The following MECOM variants were observed in gnomAD, a reference collection of about 807,000 sequenced individuals.
The protein encoded by MECOM is histone-lysine N-methyltransferase MECOM.
Under a neutral mutation model 116.3 loss-of-function variants are expected in MECOM, and 13 were observed. The ratio of observed to expected loss-of-function variants is 0.11; its 90% CI spans 0.07 to 0.18. The LOEUF (loss-of-function observed/expected upper bound fraction) is 0.18, where lower values mean the gene tolerates loss of function less well. Ranked by LOEUF, MECOM falls within the 10% of genes least tolerant of loss-of-function variation. The pLI is 1.00. For synonymous variants in MECOM, 528 were observed against 535.2 expected, an observed-to-expected ratio of 0.99 and a Z score of 0.19; for missense variants, 1,299 against 1,509.0, an observed-to-expected ratio of 0.86 and a Z score of 2.31.
chr3:169,306,153 C>T (rs905247803), intron 2 of MECOM, among the ~76,000 whole-genome samples: 13 of 151,872 alleles, frequency 8.6e-5, no homozygotes, highest in Admixed American at 5.2e-4. Context: ...AAAGCATTAT[C>T]GAGGTAATAA....
At position 169,095,034 on chromosome 3, in the gene MECOM, A is replaced by G. The variant is rs772293161; in HGVS notation, c.3019+42T>C. ...TATCTTATTATCTTTTAAAACACGA[A>G]AAAGAAGTCATCTTTGACTTATAAC... On this transcript the variant is annotated intron_variant, in intron 13 of 16. Coordinates refer to ENST00000651503, the MANE Select transcript of MECOM (RefSeq NM_004991.4). The G allele has an allele frequency of 4.8e-6, 7 of 1,458,422 alleles. No individual in the cohort carries two copies. The East Asian group carries it at 1.7e-4, about 35-fold the overall frequency. 90.3% of individuals were successfully genotyped at this position (1,458,422 alleles called of 1,614,324 possible). A position where few individuals can be genotyped will look rare whatever the true frequency, so the allele number is the denominator to read the frequency against.
intron 1 of MECOM, among the ~76,000 whole-genome samples, chr3:169,612,508 T>C (rs906584043): frequency 2.6e-5 from 4 of 152,150 alleles, no homozygotes; most frequent in African/African-American, 9.7e-5. Context: ...TTAAGGGTAG[T>C]TCAAGGGTAG....
chr3:169,286,441 T>C (rs1309889301), intron 2 of MECOM, among the ~76,000 whole-genome samples: 2 of 152,194 alleles, frequency 1.3e-5, no homozygotes, highest in South Asian at 2.1e-4. Context: ...ATAGAATACC[T>C]TCCCTTCTTG....
chr3:169,323,313 T>C (rs1478405608), intron 2 of MECOM, among the ~76,000 whole-genome samples: 2 of 152,166 alleles, frequency 1.3e-5, no homozygotes, highest in Non-Finnish European at 2.9e-5. Context: ...TGGGTGTGTG[T>C]TTCCCTTCTA....
chr3:169,663,638 A>C lies in MECOM; in HGVS notation c.-266T>G, dbSNP rs1244926357. The C allele has an allele frequency of 2.0e-5, 11 of 539,232 alleles. No homozygotes were observed. The highest frequency in any genetic ancestry group is 1.2e-4 in the East Asian group (4 of 33,210). 33.4% of individuals were successfully genotyped at this position (539,232 alleles called of 1,614,324 possible). On this transcript the variant is annotated 5_prime_UTR_variant, in exon 1 of 17. Transcript: ENST00000651503. ...CCTCTCTCCCTTTCTCTCAATCCAC[A>C]CTCGCTATCTCTCCAGCATTGTCAG... is the stretch of plus-strand genomic sequence containing the variant.
In MECOM at chr3:169,276,322, C is replaced by T. The variant is rs185087313; in HGVS notation, c.375+104865G>A. 1.2e-3 allele frequency among the ~76,000 whole-genome samples: 183 copies of T among 152,180 alleles called. 1 individual carries two copies. The highest frequency in any genetic ancestry group is 4.2e-3 in the African/African-American group (175 of 41,502). On this transcript the variant is annotated intron_variant, in intron 2 of 16. Coordinates refer to ENST00000651503, the MANE Select transcript of MECOM (RefSeq NM_004991.4). ...ATCCCAGCACTTTGGGAGGCCAAGG[C>T]AGGAGGATCACCTGAGATCAGGAAT... is the stretch of plus-strand genomic sequence containing the variant.
In MECOM at chr3:169,297,916, TAGG is replaced by T. The variant is rs745536718; in HGVS notation, c.375+83268_375+83270del. On this transcript the variant is annotated intron_variant, in intron 2 of 16. Transcript: ENST00000651503. Reference sequence around the variant, plus strand: ...TTTGATACCATAAACAGAAACAGAGTAGGAGAAGTGCCTAACATGACAAAAGGA... The same window carrying T: ...TTTGATACCATAAACAGAAACAGAGTAGAAGTGCCTAACATGACAAAAGGA... Among the ~76,000 whole-genome samples, 6 of 152,094 alleles carry T rather than the reference TAGG, an allele frequency of 3.9e-5. No homozygotes were observed. The East Asian group carries it at 9.6e-4, about 24-fold the overall frequency.
chr3:169,461,880 A>T (rs139743640), intron 1 of MECOM, among the ~76,000 whole-genome samples: 1 of 152,140 alleles, frequency 6.6e-6, no homozygotes, highest in East Asian at 1.9e-4. Flanking sequence ...CCCTGGTGAG[A>T]TGGTTTCATG....
At position 169,436,311 on chromosome 3, in the gene MECOM, C is replaced by T. The variant is rs142578394; in HGVS notation, c.38-54787G>A. Among the ~76,000 whole-genome samples, 188 of 140,686 alleles carry T rather than the reference C, an allele frequency of 1.3e-3. 2 individuals are homozygous for T. The highest frequency in any genetic ancestry group is 4.9e-3 in the African/African-American group (186 of 37,592). The allele number at this position is 140,686 out of a possible 152,430, so 92.3% of individuals were successfully genotyped here. On this transcript the variant is annotated intron_variant, in intron 1 of 16. Transcript: ENST00000651503. ...TGTTGCCCAGGCTGGAATACAATGG[C>T]GCAATCTCCGCTCACCACAACCTCC...
chr3:169,262,063 A>G (rs1038460277), intron 2 of MECOM, among the ~76,000 whole-genome samples: 1 of 152,196 alleles, frequency 6.6e-6, no homozygotes, highest in Non-Finnish European at 1.5e-5. Context: ...GCCCCAATCT[A>G]GGAGCTTGGA....
At chr3:169,236,777 TATTA>T (rs1204048204) in intron 2 of MECOM, among the ~76,000 whole-genome samples, 3 of 152,232 alleles carry the variant, frequency 2.0e-5, no homozygotes, top group Admixed American at 1.3e-4. Flanking sequence ...GGCACGTTAT[TATTA>T]ATTGTGAATT....
chr3:169,654,412 T>A (rs1035732442), intron 1 of MECOM, among the ~76,000 whole-genome samples: 7 of 152,212 alleles, frequency 4.6e-5, no homozygotes, highest in African/African-American at 1.4e-4. Context: ...TTCTCCATCC[T>A]AGGTTCAGGT....
intron 1 of MECOM, among the ~76,000 whole-genome samples, chr3:169,569,275 A>G (rs1763604590): frequency 6.6e-6 from 1 of 152,206 alleles, no homozygotes; most frequent in African/African-American, 2.4e-5. Context: ...AAAGAGATCA[A>G]TGCAACAAGA....
At chr3:169,367,870 A>G (rs1205447709) in intron 2 of MECOM, among the ~76,000 whole-genome samples, 1 of 152,034 alleles carries the variant, frequency 6.6e-6, no homozygotes, top group East Asian at 1.9e-4. Context: ...CTGAGAAGAT[A>G]CCTGTGAGAT....
chr3:169,484,325 A>T (rs534639970), intron 1 of MECOM, among the ~76,000 whole-genome samples: 1 of 152,326 alleles, frequency 6.6e-6, no homozygotes, highest in East Asian at 1.9e-4. Context: ...GCTAAAGAAA[A>T]TATTGGTTAG....
intron 1 of MECOM, among the ~76,000 whole-genome samples, chr3:169,523,928 T>C (rs1379300688): frequency 6.7e-6 from 1 of 148,626 alleles, no homozygotes; most frequent in Non-Finnish European, 1.5e-5. Context: ...TGTGTATATA[T>C]ATTAGTGTAA....
At chr3:169,267,144 A>G (rs943841974) in intron 2 of MECOM, among the ~76,000 whole-genome samples, 2 of 152,242 alleles carry the variant, frequency 1.3e-5, no homozygotes, top group East Asian at 1.9e-4. Context: ...ATTGAAGGTC[A>G]CACCTTACGA....
intron 1 of MECOM, among the ~76,000 whole-genome samples, chr3:169,475,844 C>A (rs964126307): frequency 1.3e-5 from 2 of 152,074 alleles, no homozygotes; most frequent in Non-Finnish European, 2.9e-5. Context: ...TAGTTAGGAG[C>A]TAGCATGGAT....
intron 1 of MECOM, among the ~76,000 whole-genome samples, chr3:169,579,728 AAATG>A (rs1404209273): frequency 6.6e-6 from 1 of 152,178 alleles, no homozygotes; most frequent in Non-Finnish European, 1.5e-5. Flanking sequence ...GCCCAAATGA[AAATG>A]TCAGGATTCT....
Sources: gnomAD v4.1 joint callset for allele counts (sites outside exome capture counted in the v4.1 genomes callset) on GRCh38, gnomAD v4.1.1 for gene constraint, MANE v1.5 for transcripts, NCBI Gene and HGNC (gene_info 2026-07-23, HGNC 2026-07-21) for gene names.